PTPRE: variants seen among roughly 807,000 people sequenced by gnomAD.
The protein encoded by PTPRE is protein tyrosine phosphatase receptor type E, also known as receptor-type tyrosine-protein phosphatase epsilon.
In PTPRE, 51 loss-of-function variants were observed where a neutral mutation model predicts 102.0. That is an observed-to-expected ratio of 0.50 (90% CI 0.40 to 0.63). PTPRE has a LOEUF of 0.63. Among genes scored for constraint, PTPRE ranks in the 30% least tolerant of loss-of-function variants. The pLI is 0.00. For synonymous variants in PTPRE, 345 were observed against 348.2 expected, an observed-to-expected ratio of 0.99 and a Z score of 0.10; for missense variants, 752 against 915.1, an observed-to-expected ratio of 0.82 and a Z score of 2.30.
intron 3 of PTPRE, among the ~76,000 whole-genome samples, chr10:128,044,202 T>A (rs1344733630): frequency 6.6e-6 from 1 of 151,986 alleles, no homozygotes; most frequent in East Asian, 1.9e-4. Flanking sequence ...TAGGCCGGAG[T>A]GAGTTGGGAC....
At chr10:128,069,981 C>A in intron 13 of PTPRE, 154 bp downstream of exon 13, 1 of 1,132,814 alleles carries the variant, frequency 8.8e-7, no homozygotes, top group Non-Finnish European at 1.3e-6. Flanking sequence ...CCTGCCCACG[C>A]GTGGGACCTC....
intron 9 of PTPRE, among the ~76,000 whole-genome samples, chr10:128,061,970 G>A (rs4601676): frequency 0.81 from 123,878 of 152,166 alleles, 50,573 homozygotes; most frequent in South Asian, 0.86. Flanking sequence ...TAATACTTGC[G>A]TCAGATAACC....
intron 2 of PTPRE, among the ~76,000 whole-genome samples, chr10:128,000,222 T>C (rs1331684798): frequency 6.6e-6 from 1 of 152,242 alleles, no homozygotes; most frequent in Non-Finnish European, 1.5e-5. Flanking sequence ...ATTTTCTGCC[T>C]GTTTTATGTC....
At chr10:127,928,987 T>C (rs1158856900) in intron 1 of PTPRE, among the ~76,000 whole-genome samples, 1 of 152,210 alleles carries the variant, frequency 6.6e-6, no homozygotes, top group Non-Finnish European at 1.5e-5. Context: ...ATGTATTCAA[T>C]TTGTTTGCAA....
At chr10:128,060,613 AG>A (rs1849499867) in intron 7 of PTPRE, among the ~76,000 whole-genome samples, 2 of 152,178 alleles carry the variant, frequency 1.3e-5, no homozygotes, top group Non-Finnish European at 1.5e-5. Context: ...TTGCACTGCC[AG>A]GGGCCTGGCA....
intron 19 of PTPRE, among the ~76,000 whole-genome samples, chr10:128,078,785 C>T (rs1014128761): frequency 1.3e-5 from 2 of 152,236 alleles, no homozygotes; most frequent in African/African-American, 4.8e-5. Flanking sequence ...CAGAGGTGAA[C>T]AAGATCCCAC....
intron 2 of PTPRE, among the ~76,000 whole-genome samples, chr10:127,995,844 CA>C (rs1281158769): frequency 1.4e-4 from 21 of 149,224 alleles, no homozygotes; most frequent in African/African-American, 4.9e-4. Flanking sequence ...CACACACACA[CA>C]CACACACACA....
intron 1 of PTPRE, among the ~76,000 whole-genome samples, chr10:127,946,446 C>T (rs1848628357): frequency 8.8e-6 from 1 of 114,264 alleles, no homozygotes; most frequent in Non-Finnish European, 2.0e-5. Flanking sequence ...AATGGCAAGG[C>T]CTGTCAACAG....
chr10:127,952,948 A>G (rs1462438812), intron 1 of PTPRE, among the ~76,000 whole-genome samples: 1 of 152,224 alleles, frequency 6.6e-6, no homozygotes, highest in Non-Finnish European at 1.5e-5. Context: ...CTCCTACCTC[A>G]GTGAAATTTC....
intron 2 of PTPRE, among the ~76,000 whole-genome samples, chr10:128,016,284 T>C (rs1243234127): frequency 1.3e-5 from 2 of 152,148 alleles, no homozygotes; most frequent in African/African-American, 4.8e-5. Context: ...TCAAACCCAG[T>C]AATACAGGTC....
intron 20 of PTPRE, among the ~76,000 whole-genome samples, chr10:128,081,711 G>A (rs964690458): frequency 6.6e-6 from 1 of 152,216 alleles, no homozygotes; most frequent in Non-Finnish European, 1.5e-5. Flanking sequence ...TCAGCTGCGT[G>A]TCTTAGTAGC....
chr10:127,932,020 T>C (rs1847482102), intron 1 of PTPRE, among the ~76,000 whole-genome samples: 1 of 152,214 alleles, frequency 6.6e-6, no homozygotes, highest in African/African-American at 2.4e-5. Context: ...TTCAATACCG[T>C]CTTCAATGGT....
intron 2 of PTPRE, among the ~76,000 whole-genome samples, chr10:128,014,325 C>T (rs912351141): frequency 3.9e-5 from 6 of 152,156 alleles, no homozygotes; most frequent in Non-Finnish European, 7.3e-5. Flanking sequence ...AATGTTCTCC[C>T]AAACAACCGG....
intron 1 of PTPRE, among the ~76,000 whole-genome samples, chr10:127,961,637 C>T (rs1849821368): frequency 6.6e-6 from 1 of 152,220 alleles, no homozygotes; most frequent in Non-Finnish European, 1.5e-5. Context: ...GCGCTCCACC[C>T]CCCAGCGAGA....
At chr10:127,965,458 A>C (rs1482067998) in intron 1 of PTPRE, among the ~76,000 whole-genome samples, 1 of 151,982 alleles carries the variant, frequency 6.6e-6, no homozygotes, top group Non-Finnish European at 1.5e-5. Flanking sequence ...TCTTCTTTTG[A>C]TTCCTTGCCA....
At chr10:128,061,549 T>C (rs1849591312) in intron 8 of PTPRE, 130 bp from the exon 9 acceptor site, 1 of 1,152,188 alleles carries the variant, frequency 8.7e-7, no homozygotes, top group Non-Finnish European at 1.2e-6. Context: ...TTTCTTTCCT[T>C]CTTAACCTTT....
At chr10:128,048,947 T>C (rs535936692) in intron 5 of PTPRE, among the ~76,000 whole-genome samples, 1 of 152,198 alleles carries the variant, frequency 6.6e-6, no homozygotes, top group African/African-American at 2.4e-5. Context: ...CACTCCGAAC[T>C]TGGGGAAGGA....
intron 7 of PTPRE, among the ~76,000 whole-genome samples, chr10:128,056,484 G>A (rs1226086932): frequency 6.6e-6 from 1 of 152,194 alleles, no homozygotes; most frequent in Non-Finnish European, 1.5e-5. Flanking sequence ...CAGCGGGTAA[G>A]GGTGCTGCTT....
intron 15 of PTPRE, chr10:128,071,479 G>A (rs1196153230): frequency 6.3e-6 from 1 of 157,930 alleles, no homozygotes; most frequent in Non-Finnish European, 1.4e-5. Context: ...AAGCTGGCAA[G>A]AAGACAGGGC....
Sources: gnomAD v4.1 joint callset for allele counts (sites outside exome capture counted in the v4.1 genomes callset) on GRCh38, gnomAD v4.1.1 for gene constraint, MANE v1.5 for transcripts, NCBI Gene and HGNC (gene_info 2026-07-23, HGNC 2026-07-21) for gene names.